TNIK: variants seen among roughly 807,000 people sequenced by gnomAD.
TNIK encodes TRAF2 and NCK-interacting protein kinase.
Under a neutral mutation model 191.3 loss-of-function variants are expected in TNIK, and 49 were observed. That is an observed-to-expected ratio of 0.26 (90% CI 0.20 to 0.32). TNIK has a LOEUF of 0.32. TNIK is among the 10% of genes least tolerant of loss of function. TNIK has a pLI of 1.00. For synonymous variants in TNIK, 594 were observed against 600.9 expected, an observed-to-expected ratio of 0.99 and a Z score of 0.17; for missense variants, 1,155 against 1,702.3, an observed-to-expected ratio of 0.68 and a Z score of 5.66.
chr3:171,320,540 T>C (rs1755065444), intron 2 of TNIK, among the ~76,000 whole-genome samples: 1 of 152,192 alleles, frequency 6.6e-6, no homozygotes, highest in Non-Finnish European at 1.5e-5. Context: ...GAGGATAAAG[T>C]CACTACTTGA....
chr3:171,238,821 G>A (rs1228768006), intron 2 of TNIK, among the ~76,000 whole-genome samples: 4 of 152,174 alleles, frequency 2.6e-5, no homozygotes, highest in South Asian at 2.1e-4. Context: ...CACAGCAGAC[G>A]ACGAATTGTT....
chr3:171,237,225 C>A (rs1423494532), intron 2 of TNIK, among the ~76,000 whole-genome samples: 1 of 152,080 alleles, frequency 6.6e-6, no homozygotes, highest in Non-Finnish European at 1.5e-5. Context: ...GATGAATAAA[C>A]CCTCTCCCAC....
intron 2 of TNIK, among the ~76,000 whole-genome samples, chr3:171,363,161 C>G (rs1355289073): frequency 1.3e-5 from 2 of 152,286 alleles, no homozygotes; most frequent in African/African-American, 4.8e-5. Context: ...ATATATCTTG[C>G]AATGCACAGT....
At chr3:171,161,034 G>A (rs756672289) in intron 11 of TNIK, among the ~76,000 whole-genome samples, 1 of 152,170 alleles carries the variant, frequency 6.6e-6, no homozygotes, top group African/African-American at 2.4e-5. Flanking sequence ...AAGCTCTTAC[G>A]ATAGAGACCA....
Position 171,166,903 on chromosome 3 carries a change from T to G in TNIK, c.949+192A>C, listed in dbSNP as rs148331664. On this transcript the variant is annotated intron_variant, in intron 10 of 32. Transcript: ENST00000436636. The stretch of plus-strand genomic sequence containing the variant: ...GTAATGTTTCTTGCAGTTCTATTTT[T>G]TTCATGAAAGATTCTACTTCAATAG... Among the ~76,000 whole-genome samples, 655 of 152,312 alleles carry G rather than the reference T, an allele frequency of 4.3e-3. 3 individuals are homozygous for G. Among genetic ancestry groups the G allele is most frequent in the Non-Finnish European group, 7.1e-3 (482 of 68,028 alleles).
At chr3:171,254,668 A>C (rs1221700895) in intron 2 of TNIK, among the ~76,000 whole-genome samples, 1 of 152,222 alleles carries the variant, frequency 6.6e-6, no homozygotes, top group Non-Finnish European at 1.5e-5. Flanking sequence ...ACTAATACAG[A>C]TACATGTGTC....
At chr3:171,387,206 T>C (rs1419347138) in intron 1 of TNIK, among the ~76,000 whole-genome samples, 2 of 152,190 alleles carry the variant, frequency 1.3e-5, no homozygotes, top group Non-Finnish European at 2.9e-5. Flanking sequence ...AATTAAACTA[T>C]CAGTTCCCTG....
Position 171,425,825 on chromosome 3 carries a change from C to CA in TNIK, c.57+34181dup, listed in dbSNP as rs34978608. 8.3e-3 allele frequency among the ~76,000 whole-genome samples: 1,029 copies of CA among 123,792 alleles called. 7 individuals are homozygous for CA. The highest frequency in any genetic ancestry group is 0.039 in the South Asian group (145 of 3,754). The allele number at this position is 123,792 out of a possible 152,430, so 81.2% of individuals were successfully genotyped here. A position where few individuals can be genotyped will look rare whatever the true frequency, so the allele number is the denominator to read the frequency against. On this transcript the variant is annotated intron_variant, in intron 1 of 32. Transcript: ENST00000436636. The stretch of plus-strand genomic sequence containing the variant: ...CCTGGGTGACAGAGTGAGACTCTGT[C>CA]AAAAAAAAAAAAAAAAAGGAAGAAA...
chr3:171,313,391 G>A (rs1754265592), intron 2 of TNIK, among the ~76,000 whole-genome samples: 1 of 152,092 alleles, frequency 6.6e-6, no homozygotes, highest in Non-Finnish European at 1.5e-5. Flanking sequence ...GTGGATGTGA[G>A]GGGTCAGGTG....
chr3:171,162,136 T>G (rs914719330), intron 10 of TNIK, among the ~76,000 whole-genome samples: 5 of 150,850 alleles, frequency 3.3e-5, no homozygotes, highest in African/African-American at 1.2e-4. Context: ...TAAAAATATA[T>G]AGTGGCCGGG....
chr3:171,228,877 G>T (rs1743276976), intron 2 of TNIK, among the ~76,000 whole-genome samples: 1 of 152,120 alleles, frequency 6.6e-6, no homozygotes, highest in East Asian at 1.9e-4. Context: ...TCTCAGAAGA[G>T]AATTATTTTC....
chr3:171,142,394 C>CTA (rs1465743950), intron 12 of TNIK, among the ~76,000 whole-genome samples: 1 of 152,162 alleles, frequency 6.6e-6, no homozygotes, highest in Non-Finnish European at 1.5e-5. Context: ...AGGATGGAGA[C>CTA]ACAGCCAAGA....
intron 1 of TNIK, among the ~76,000 whole-genome samples, chr3:171,430,784 AT>A (rs1272264824): frequency 2.0e-5 from 3 of 152,138 alleles, no homozygotes; most frequent in Non-Finnish European, 4.4e-5. Flanking sequence ...AAATAGCTTA[AT>A]CTTATTAATT....
chr3:171,341,636 G>A (rs930322710), intron 2 of TNIK, among the ~76,000 whole-genome samples: 6 of 151,768 alleles, frequency 4.0e-5, no homozygotes, highest in East Asian at 1.9e-4. Context: ...GGCATTATGC[G>A]GAAACAAAAG....
intron 22 of TNIK, among the ~76,000 whole-genome samples, chr3:171,100,194 G>A (rs1013121568): frequency 1.3e-5 from 2 of 152,156 alleles, no homozygotes; most frequent in Admixed American, 6.5e-5. Flanking sequence ...GGGCCAGCAT[G>A]TTTTGCAGAA....
intron 2 of TNIK, among the ~76,000 whole-genome samples, chr3:171,252,937 T>C: frequency 6.6e-6 from 1 of 152,066 alleles, no homozygotes; most frequent in East Asian, 1.9e-4. Flanking sequence ...TGTTTTAGAA[T>C]GCATAGTTTT....
rs146267125 is a variant in TNIK, at chr3:171,252,063, C to CGT, written c.124-23844_124-23843dup. Among the ~76,000 whole-genome samples the CGT allele has an allele frequency of 4.1e-3, 533 of 131,524 alleles. 1 individual carries two copies. The highest frequency in any genetic ancestry group is 0.012 in the African/African-American group (431 of 35,002). The allele number at this position is 131,524 out of a possible 152,430, so 86.3% of individuals were successfully genotyped here. A position where few individuals can be genotyped will look rare whatever the true frequency, so the allele number is the denominator to read the frequency against. The stretch of plus-strand genomic sequence containing the variant: ...ATTTGCATAGATAAAATCTGGTATG[C>CGT]GTGTGTGTGTGTGTGTGCGTGTGTG... On this transcript the variant is annotated intron_variant, in intron 2 of 32. Coordinates refer to ENST00000436636, the MANE Select transcript of TNIK (RefSeq NM_015028.4).
chr3:171,378,203 A>T (rs570816100), intron 1 of TNIK, among the ~76,000 whole-genome samples: 15 of 152,318 alleles, frequency 9.8e-5, no homozygotes, highest in African/African-American at 3.6e-4. Flanking sequence ...CTACTTTGCC[A>T]TTAGCTAGGA....
In TNIK at chr3:171,062,493, C is replaced by T. The variant is rs1717925636; in HGVS notation, c.*1388G>A. Reference sequence around the variant, plus strand: ...TTGTAGCTTTGGAAAAAAAAAATCCCAGTCGCATAAAAGTTCAAATCATTT... The same window carrying T: ...TTGTAGCTTTGGAAAAAAAAAATCCTAGTCGCATAAAAGTTCAAATCATTT... On this transcript the variant is annotated 3_prime_UTR_variant, in exon 33 of 33. Transcript: ENST00000436636. The T allele has an allele frequency of 6.6e-6, 1 of 152,080 alleles. No homozygotes were observed. Among genetic ancestry groups the T allele is most frequent in the South Asian group, 2.1e-4 (1 of 4,814 alleles). 9.4% of individuals were successfully genotyped at this position (152,080 alleles called of 1,614,324 possible). A position where few individuals can be genotyped will look rare whatever the true frequency, so the allele number is the denominator to read the frequency against.
Sources: allele counts gnomAD v4.1 joint callset (sites outside exome capture counted in the v4.1 genomes callset), GRCh38; gene constraint gnomAD v4.1.1; transcripts MANE v1.5; gene names NCBI Gene and HGNC (gene_info 2026-07-23, HGNC 2026-07-21).